The following SFTPD variants were observed in gnomAD, a reference collection of about 807,000 sequenced individuals.
SFTPD encodes pulmonary surfactant-associated protein D.
A neutral mutation model predicts 34.6 loss-of-function variants in SFTPD; 18 were observed. That is an observed-to-expected ratio of 0.52 (90% CI 0.36 to 0.77). The LOEUF (loss-of-function observed/expected upper bound fraction) is 0.77, where lower values mean the gene tolerates loss of function less well. Among genes scored for constraint, SFTPD ranks in the 30% least tolerant of loss-of-function variants. The pLI is 0.00. For missense variants in SFTPD, 433 were observed against 468.9 expected, an observed-to-expected ratio of 0.92 and a Z score of 0.71; for synonymous variants, 155 against 180.9, an observed-to-expected ratio of 0.86 and a Z score of 1.15.
At chr10:79,976,529 A>T (rs1389108223) in intron 1 of SFTPD, among the ~76,000 whole-genome samples, 1 of 152,188 alleles carries the variant, frequency 6.6e-6, no homozygotes, top group Non-Finnish European at 1.5e-5. Flanking sequence ...CACCACTGCC[A>T]CTGCTGCCAG....
chr10:79,981,941 T>C (rs1343666374), intron 1 of SFTPD: 3 of 309,488 alleles, frequency 9.7e-6, no homozygotes, highest in Non-Finnish European at 6.1e-6. Flanking sequence ...CCCCTTCCTC[T>C]CCACGTCTCC....
chr10:79,971,175 T>C (rs1842832498), intron 1 of SFTPD: 1 of 152,198 alleles, frequency 6.6e-6, no homozygotes. Flanking sequence ...TGTTGATTGG[T>C]TTGCATATGT....
chr10:79,940,793 A>T lies in SFTPD; in HGVS notation c.668-5T>A, dbSNP rs1253017326. 2.5e-6 allele frequency: 4 copies of T among 1,603,494 alleles called. No homozygotes were observed. The African/African-American group carries it at 5.4e-5, about 21-fold the overall frequency. On this transcript the variant is annotated splice_region_variant and splice_polypyrimidine_tract_variant and intron_variant, in intron 6 of 7. Coordinates refer to ENST00000372292, the MANE Select transcript of SFTPD (RefSeq NM_003019.5). The stretch of plus-strand genomic sequence containing the variant: ...GCTGCCTCAGAGAAGCAACATCTGG[A>T]GGGGAGAAAATGGCCAAGTAAAGAC...
At chr10:79,981,019 T>C (rs1842887352) in intron 1 of SFTPD, among the ~76,000 whole-genome samples, 1 of 152,218 alleles carries the variant, frequency 6.6e-6, no homozygotes. Context: ...GAGAGATATG[T>C]GACCTTTTAC....
At chr10:79,940,632 G>T in intron 7 of SFTPD, 73 bp downstream of exon 7, 1 of 1,024,348 alleles carries the variant, frequency 9.8e-7, no homozygotes, top group Non-Finnish European at 1.5e-6. Context: ...CCAGCCAAAG[G>T]CCAAACCAAG....
rs765133379 is a variant in SFTPD, at chr10:79,942,007, CCCTT to C, written c.493_496del (p.Lys165GlufsTer38). 2.5e-6 allele frequency: 4 copies of C among 1,614,010 alleles called. No individual in the cohort carries two copies. Among genetic ancestry groups the C allele is most frequent in the African/African-American group, 1.3e-5 (1 of 74,944 alleles). ...ACGCTCACCAGGGACACCTCGCTCT[CCCTT>C]AGGGCCTGCGAGGCCTCTTGCCCCT... On this transcript the variant is annotated frameshift_variant, in exon 5 of 8. Coordinates refer to ENST00000372292, the MANE Select transcript of SFTPD (RefSeq NM_003019.5). LOFTEE classifies it high-confidence loss of function.
chr10:79,940,741 G>A lies in SFTPD; in HGVS notation c.715C>T (p.Gln239Ter), dbSNP rs1200223946. 6.2e-7 allele frequency: 1 copy of A among 1,612,348 alleles called. No homozygotes were observed. The change falls in exon 7 of 8, where the codon CAG (glutamine) becomes TAG (stop). Residue 239 changes from glutamine to a stop codon, truncating the protein, a stop_gained. Transcript: ENST00000372292. LOFTEE classifies it low-confidence loss of function (END_TRUNC). ...TGAGAGAAAGCAGCCTGGAGGTGCTGTACTTGTCCCTGTAAGGCCTCAACC... is the reference window on the plus strand; with the variant it reads ...TGAGAGAAAGCAGCCTGGAGGTGCTATACTTGTCCCTGTAAGGCCTCAACC... ...QQVEALQGQV[Q>*]HLQAAFSQYK...
chr10:79,974,007 C>T (rs1394848705), intron 1 of SFTPD, among the ~76,000 whole-genome samples: 1 of 151,828 alleles, frequency 6.6e-6, no homozygotes, highest in Admixed American at 6.6e-5. Flanking sequence ...AAATTAGGAT[C>T]TCTGTGTGTT....
intron 1 of SFTPD, among the ~76,000 whole-genome samples, chr10:79,979,325 G>T (rs1473919795): frequency 6.6e-6 from 1 of 151,434 alleles, no homozygotes; most frequent in Non-Finnish European, 1.5e-5. Context: ...ACAACTATCC[G>T]CACAAAAAAA....
intron 1 of SFTPD, among the ~76,000 whole-genome samples, chr10:79,973,865 A>G (rs532495776): frequency 1.3e-5 from 2 of 152,298 alleles, no homozygotes; most frequent in South Asian, 4.1e-4. Context: ...CTCTGGATGC[A>G]TTATGCCAAA....
chr10:79,941,902 G>A (rs770133661), intron 5 of SFTPD, 52 bp downstream of exon 5: 53 of 1,182,102 alleles, frequency 4.5e-5, no homozygotes, highest in Admixed American at 2.2e-4. Flanking sequence ...ACAGCTCCAA[G>A]CAGGCACAGG....
chr10:79,952,685 A>C (rs1285780651), upstream of SFTPD, among the ~76,000 whole-genome samples: 1 of 151,942 alleles, frequency 6.6e-6, no homozygotes. Flanking sequence ...GGGAATGTTC[A>C]TGGAGGATCT....
At chr10:79,947,180 G>A (rs1842674376) in intron 1 of SFTPD, among the ~76,000 whole-genome samples, 1 of 152,258 alleles carries the variant, frequency 6.6e-6, no homozygotes, top group African/African-American at 2.4e-5. Flanking sequence ...TGAAAATGCA[G>A]CCAGAGTCCT....
chr10:79,980,229 T>C (rs1160366706), intron 1 of SFTPD, among the ~76,000 whole-genome samples: 1 of 151,606 alleles, frequency 6.6e-6, no homozygotes, highest in Non-Finnish European at 1.5e-5. Flanking sequence ...GGACTCCTGC[T>C]TGAGGAAAGG....
chr10:79,948,874 C>T (rs538372832), intron 1 of SFTPD, among the ~76,000 whole-genome samples, 192 bp downstream of exon 1: 10 of 152,324 alleles, frequency 6.6e-5, no homozygotes, highest in East Asian at 3.9e-4. Flanking sequence ...CTCCCCTGGG[C>T]TGAGGCCACT....
intron 1 of SFTPD, chr10:79,971,232 T>G (rs1842832769): frequency 1.3e-5 from 2 of 152,218 alleles, no homozygotes; most frequent in South Asian, 4.1e-4. Context: ...TGAATGATAT[T>G]TTTAATGTAT....
intron 1 of SFTPD, chr10:79,968,197 A>T (rs1709288220): frequency 7.2e-6 from 1 of 139,268 alleles, no homozygotes; most frequent in Non-Finnish European, 1.5e-5. Context: ...AAATAATTTC[A>T]ACTTTTATTT....
At position 79,966,646 on chromosome 10, in the gene SFTPD, G is replaced by T. The variant is rs1156604791; in HGVS notation, c.36+15929C>A. Among the ~76,000 whole-genome samples the T allele has an allele frequency of 1.4e-5, 2 of 147,136 alleles. 1 individual carries two copies. The highest frequency in any genetic ancestry group is 5.2e-5 in the African/African-American group (2 of 38,634). The stretch of plus-strand genomic sequence containing the variant: ...CCATTGCTTTTGATGTTTTGGACAT[G>T]AAGTCCTTGCCCATGCCTATGTCCT... On this transcript the variant is annotated intron_variant, in intron 1 of 5. Transcript: ENST00000444384.
At chr10:79,963,683 TTTGA>T (rs1842787638) in intron 1 of SFTPD, among the ~76,000 whole-genome samples, 2 of 152,306 alleles carry the variant, frequency 1.3e-5, no homozygotes, top group South Asian at 4.1e-4. Flanking sequence ...CCTGTTTCTA[TTTGA>T]TTATTTGCAC....
Sources: gnomAD v4.1 joint callset for allele counts (sites outside exome capture counted in the v4.1 genomes callset) on GRCh38, gnomAD v4.1.1 for gene constraint, MANE v1.5 for transcripts, NCBI Gene and HGNC (gene_info 2026-07-23, HGNC 2026-07-21) for gene names.